Variants in ANKRD62 observed in about 807,000 individuals in gnomAD.
The protein encoded by ANKRD62 is ankyrin repeat domain-containing protein 62.
ANKRD62 carries 61 observed loss-of-function variants against 98.8 expected under a neutral mutation model. The ratio of observed to expected loss-of-function variants is 0.62; its 90% CI spans 0.50 to 0.76. ANKRD62 has a LOEUF of 0.76. ANKRD62 is among the 30% of genes least tolerant of loss of function. The pLI is 0.00. For synonymous variants in ANKRD62, 341 were observed against 367.9 expected (o/e 0.93, Z 0.84); for missense variants, 933 against 1,082.9 (o/e 0.86, Z 1.94).
chr18:12,124,056 T>C, intron 11 of ANKRD62, 81 bp from the exon 12 acceptor site: 2 of 662,062 alleles, frequency 3.0e-6, no homozygotes, highest in East Asian at 3.2e-5. Flanking sequence ...TTCAAGAACA[T>C]GGGCACTTTA....
chr18:12,099,692 C>T lies in ANKRD62; in HGVS notation c.820+10C>T, dbSNP rs1470933127. On this transcript the variant is annotated intron_variant, in intron 6 of 13. Transcript: ENST00000587848. The stretch of plus-strand genomic sequence containing the variant: ...CAAAATAGCAATTCAGGTATGACTT[C>T]TGATAGTGAATTCCTCTCGATGGTC... 1 of 1,430,756 alleles carries T rather than the reference C, an allele frequency of 7.0e-7. No individual in the cohort carries two copies. Among genetic ancestry groups the T allele is most frequent in the Non-Finnish European group, 9.2e-7 (1 of 1,081,546 alleles). 88.6% of individuals were successfully genotyped at this position (1,430,756 alleles called of 1,614,324 possible). A position where few individuals can be genotyped will look rare whatever the true frequency, so the allele number is the denominator to read the frequency against.
chr18:12,136,221 T>C, the ANKRD62 span, among the ~76,000 whole-genome samples: 2 of 151,972 alleles, frequency 1.3e-5, no homozygotes, highest in East Asian at 3.8e-4. Flanking sequence ...AATTTTTGTA[T>C]AAGGTGTAAG....
chr18:12,102,087 A>C lies in ANKRD62; in HGVS notation c.821-1071A>C, dbSNP rs1909311519. On this transcript the variant is annotated intron_variant, in intron 6 of 13. Transcript: ENST00000587848. ...CAAAGGTTAAAGCTGAAAGTGCCAG[A>C]AGCTCTGCCTTGGGAGCTTTCTGCA... 3.7e-6 allele frequency: 5 copies of C among 1,366,986 alleles called. No individual in the cohort carries two copies. The South Asian group carries it at 5.8e-5, about 16-fold the overall frequency. 84.7% of individuals were successfully genotyped at this position (1,366,986 alleles called of 1,614,324 possible).
the ANKRD62 span, among the ~76,000 whole-genome samples, chr18:12,138,266 A>G: frequency 6.6e-6 from 1 of 152,196 alleles, no homozygotes; most frequent in Non-Finnish European, 1.5e-5. Flanking sequence ...CCTTGGTTTC[A>G]AAGAACATCT....
the ANKRD62 span, among the ~76,000 whole-genome samples, chr18:12,174,223 T>C: frequency 2.0e-5 from 3 of 152,228 alleles, no homozygotes; most frequent in African/African-American, 7.2e-5. Context: ...TGTTCTTGTC[T>C]GACTGTTTTA....
chr18:12,113,000 T>C (rs1909580078), intron 8 of ANKRD62, among the ~76,000 whole-genome samples: 1 of 152,134 alleles, frequency 6.6e-6, no homozygotes, highest in East Asian at 1.9e-4. Flanking sequence ...GGTTAAGTGA[T>C]TCTCATGCCT....
At chr18:12,113,335 TA>T (rs1271935768) in intron 8 of ANKRD62, among the ~76,000 whole-genome samples, 1 of 152,054 alleles carries the variant, frequency 6.6e-6, no homozygotes, top group East Asian at 1.9e-4. Context: ...TGGCTATTAT[TA>T]AAAAGTCCAG....
intron 6 of ANKRD62, chr18:12,102,646 T>A: frequency 1.7e-5 from 15 of 865,998 alleles, no homozygotes; most frequent in Non-Finnish European, 2.1e-5. Flanking sequence ...TACACAGCTG[T>A]TGAAAAATGA....
At chr18:12,168,918 A>C in the ANKRD62 span, among the ~76,000 whole-genome samples, 1 of 152,320 alleles carries the variant, frequency 6.6e-6, no homozygotes, top group East Asian at 1.9e-4. Context: ...AAGTACACTC[A>C]TGATTTGGCT....
At position 12,107,380 on chromosome 18, in the gene ANKRD62, A is replaced by G; in HGVS notation, c.977A>G (p.Asp326Gly). The stretch of plus-strand genomic sequence containing the variant: ...GCTGATGACAGTGACAATTATAATG[A>G]TGATGTTGATGAATTAATTCACAAA... ...VHADDSDNYN[D>G]DVDELIHKIK... is the part of the protein sequence containing the mutation. The change falls in exon 8 of 14, where the codon GAT (aspartate) becomes GGT (glycine). Residue 326 changes from aspartate (D) to glycine (G), a missense_variant. By Grantham distance (94) the Asp-to-Gly change is moderately conservative. Around this residue, in one of 3 missense-constraint regions of ANKRD62, gnomAD observed 549 missense variants for 587.9 expected, o/e 0.93. Transcript: ENST00000587848. The G allele has an allele frequency of 6.6e-7, 1 of 1,526,350 alleles. No homozygotes were observed. The highest frequency in any genetic ancestry group is 8.8e-7 in the Non-Finnish European group (1 of 1,142,262). 94.6% of individuals were successfully genotyped at this position (1,526,350 alleles called of 1,614,324 possible). A position where few individuals can be genotyped will look rare whatever the true frequency, so the allele number is the denominator to read the frequency against.
At chr18:12,146,443 G>A in the ANKRD62 span, among the ~76,000 whole-genome samples, 1 of 151,898 alleles carries the variant, frequency 6.6e-6, no homozygotes, top group African/African-American at 2.4e-5. Flanking sequence ...AGACTTTTTT[G>A]GGGGGGCGTG....
the ANKRD62 span, among the ~76,000 whole-genome samples, chr18:12,162,462 T>C: frequency 6.6e-6 from 1 of 152,164 alleles, no homozygotes; most frequent in South Asian, 2.1e-4. Flanking sequence ...TTTTCTCCCA[T>C]TCTGTCAGTT....
chr18:12,158,530 T>TA, the ANKRD62 span, among the ~76,000 whole-genome samples: 632 of 92,646 alleles, frequency 6.8e-3, 9 homozygotes, highest in African/African-American at 0.023. Flanking sequence ...TTATTTTTAT[T>TA]TTTTATTTTT....
chr18:12,120,346 A>G (rs1258714268), intron 10 of ANKRD62, among the ~76,000 whole-genome samples: 1 of 152,186 alleles, frequency 6.6e-6, no homozygotes, highest in East Asian at 1.9e-4. Flanking sequence ...ATTTAGGACT[A>G]TTATATCTTC....
chr18:12,111,094 A>G (rs551249213), intron 8 of ANKRD62, among the ~76,000 whole-genome samples: 1 of 152,148 alleles, frequency 6.6e-6, no homozygotes, highest in East Asian at 1.9e-4. Context: ...CTAAAAATAC[A>G]AAAAATTAGC....
downstream of ANKRD62, among the ~76,000 whole-genome samples, chr18:12,132,207 A>AT: frequency 6.6e-6 from 1 of 152,242 alleles, no homozygotes; most frequent in African/African-American, 2.4e-5. Context: ...TATTTTTAAA[A>AT]TTTCAATTCC....
At chr18:12,121,879 G>A (rs112867595) in intron 10 of ANKRD62, among the ~76,000 whole-genome samples, 2 of 152,138 alleles carry the variant, frequency 1.3e-5, no homozygotes, top group African/African-American at 2.4e-5. Context: ...GCAGATTGCC[G>A]CAGAGCTCCA....
At chr18:12,175,569 G>A in the ANKRD62 span, among the ~76,000 whole-genome samples, 1 of 151,984 alleles carries the variant, frequency 6.6e-6, no homozygotes, top group Non-Finnish European at 1.5e-5. Context: ...TGCCATGGGG[G>A]CCTCCCTGTG....
the ANKRD62 span, among the ~76,000 whole-genome samples, chr18:12,166,330 TTTTTTGACTTAACTGGTTGTA>T: frequency 6.6e-6 from 1 of 152,096 alleles, no homozygotes; most frequent in Non-Finnish European, 1.5e-5. Flanking sequence ...TTCTTTTTAA[TTTTTTGACTTAACTGGTTGTA>T]TTTTCAAACA....
Sources: allele counts gnomAD v4.1 joint callset (sites outside exome capture counted in the v4.1 genomes callset), GRCh38; gene constraint gnomAD v4.1.1; regional missense constraint gnomAD v4.1.1; transcripts MANE v1.5; gene names NCBI Gene and HGNC (gene_info 2026-07-23, HGNC 2026-07-21).